MAP3K7CL: variants seen among roughly 807,000 people sequenced by gnomAD.
MAP3K7CL encodes MAP3K7 C-terminal like.
In MAP3K7CL, 16 loss-of-function variants were observed where a neutral mutation model predicts 18.6. The ratio of observed to expected loss-of-function variants is 0.86; its 90% CI spans 0.58 to 1.31. MAP3K7CL has a LOEUF of 1.31. MAP3K7CL is among the 50% of genes most tolerant of loss of function. MAP3K7CL has a pLI of 0.00. For synonymous variants in MAP3K7CL, 65 were observed against 66.8 expected (o/e 0.97, Z 0.13); for missense variants, 163 against 174.4 (o/e 0.93, Z 0.37).
At chr21:29,141,831 A>G (rs1317272742) in intron 2 of MAP3K7CL, among the ~76,000 whole-genome samples, 1 of 152,182 alleles carries the variant, frequency 6.6e-6, no homozygotes, top group African/African-American at 2.4e-5. Context: ...CAAAGTTTTA[A>G]AAAGCTTTTG....
chr21:29,145,394 G>A (rs1320499619), intron 2 of MAP3K7CL, among the ~76,000 whole-genome samples: 1 of 151,994 alleles, frequency 6.6e-6, no homozygotes, highest in African/African-American at 2.4e-5. Flanking sequence ...ACTCCGATCC[G>A]GTATCACTGT....
rs148330299 is a variant in MAP3K7CL at position 29,123,153 on chromosome 21, C to T, written c.371-26036C>T. Among the ~76,000 whole-genome samples, 594 of 149,672 alleles carry T rather than the reference C, an allele frequency of 4.0e-3. 10 individuals carry two copies. The East Asian group carries it at 0.07, about 18-fold the overall frequency. ...TCTTGGCTCACTGCAACCTCTGCCT[C>T]CTGGGTACAAGTGATTCCCCTGCCT... On this transcript the variant is annotated intron_variant, in intron 4 of 6. Coordinates refer to the MAP3K7CL transcript ENST00000286791.
intron 4 of MAP3K7CL, chr21:29,102,761 C>G (rs2086255657): frequency 6.6e-6 from 1 of 152,120 alleles, no homozygotes; most frequent in African/African-American, 2.4e-5. Context: ...ATAATTAGGT[C>G]ATAGAATGCC....
upstream of MAP3K7CL, among the ~76,000 whole-genome samples, chr21:29,085,585 A>G (rs1242542914): frequency 6.8e-6 from 1 of 147,312 alleles, no homozygotes; most frequent in African/African-American, 2.5e-5. Context: ...TTTAAATTCT[A>G]TCAAAAATGA....
exon 3 of MAP3K7CL, chr21:29,091,710 T>A (rs773567099): frequency 1.1e-4 from 78 of 702,372 alleles, no homozygotes; most frequent in Admixed American, 8.0e-5. Flanking sequence ...CTTGAACACC[T>A]GGCTTCAAGC....
At chr21:29,095,360 T>C (rs542016393) in intron 4 of MAP3K7CL, among the ~76,000 whole-genome samples, 18 of 152,238 alleles carry the variant, frequency 1.2e-4, no homozygotes, top group South Asian at 4.1e-4. Context: ...AGGAGCCTTT[T>C]GTGTGGGGCA....
At chr21:29,120,835 GT>G (rs1271358569) in intron 4 of MAP3K7CL, among the ~76,000 whole-genome samples, 1 of 151,812 alleles carries the variant, frequency 6.6e-6, no homozygotes, top group Non-Finnish European at 1.5e-5. Flanking sequence ...GGAGGCCAAG[GT>G]GGGTGGATTG....
At chr21:29,158,971 A>G (rs1601258761) in intron 3 of MAP3K7CL, among the ~76,000 whole-genome samples, 1 of 117,362 alleles carries the variant, frequency 8.5e-6, no homozygotes, top group Admixed American at 1.2e-4. Flanking sequence ...CCCAGGCTGG[A>G]GTACAGTGGC....
At chr21:29,092,477 T>G in exon 4 of MAP3K7CL, 1 of 1,614,250 alleles carries the variant, frequency 6.2e-7, no homozygotes, top group South Asian at 1.1e-5. Context: ...TTGGCCATGT[T>G]GGAGGACAAT....
intron 4 of MAP3K7CL, among the ~76,000 whole-genome samples, chr21:29,160,841 C>T (rs910181038): frequency 1.3e-5 from 2 of 152,234 alleles, no homozygotes; most frequent in African/African-American, 4.8e-5. Flanking sequence ...TTGTCACCAT[C>T]AGATTCCTGG....
At chr21:29,085,050 C>T (rs1372580827), upstream of MAP3K7CL, 1 of 152,176 alleles carries the variant, frequency 6.6e-6, no homozygotes, top group Non-Finnish European at 1.5e-5. Flanking sequence ...TGTCTCTAAG[C>T]CCATATTTTC....
chr21:29,124,145 G>T (rs2086642651), intron 4 of MAP3K7CL, among the ~76,000 whole-genome samples: 1 of 151,960 alleles, frequency 6.6e-6, no homozygotes. Flanking sequence ...ATGAGGTCAG[G>T]AGTTCAAGAC....
chr21:29,115,884 C>T (rs945703669), intron 4 of MAP3K7CL, among the ~76,000 whole-genome samples: 1 of 152,216 alleles, frequency 6.6e-6, no homozygotes, highest in East Asian at 1.9e-4. Context: ...GACACATATG[C>T]AGTCTATGTA....
chr21:29,155,226 T>C (rs947527848), intron 3 of MAP3K7CL, among the ~76,000 whole-genome samples: 3 of 152,158 alleles, frequency 2.0e-5, no homozygotes, highest in African/African-American at 4.8e-5. Context: ...GTAATGTAAA[T>C]TTAAATCAGA....
At chr21:29,148,014 T>C (rs1310514934) in intron 2 of MAP3K7CL, among the ~76,000 whole-genome samples, 2 of 152,016 alleles carry the variant, frequency 1.3e-5, no homozygotes, top group Non-Finnish European at 2.9e-5. Flanking sequence ...TATGTATATG[T>C]ACTGTATATG....
chr21:29,161,843 T>G (rs987918490), intron 4 of MAP3K7CL, among the ~76,000 whole-genome samples: 3 of 152,210 alleles, frequency 2.0e-5, no homozygotes. Context: ...GTATGGGTTT[T>G]GGGGCCAGAC....
At chr21:29,173,759 T>C (rs2123261034) in intron 4 of MAP3K7CL, among the ~76,000 whole-genome samples, 1 of 152,340 alleles carries the variant, frequency 6.6e-6, no homozygotes, top group South Asian at 2.1e-4. Flanking sequence ...TGGAGTGCAG[T>C]GGCACAATCA....
At position 29,175,792 on chromosome 21, in the gene MAP3K7CL, TCTAC is replaced by T. The variant is rs1418714123; in HGVS notation, c.*904_*907del. ...CAGAATTGAAACAATTTCTCCTTGT[TCTAC>T]CTATCACCACATTTTCTCAAATTGA... On this transcript the variant is annotated 3_prime_UTR_variant, in exon 5 of 5. Coordinates refer to ENST00000399928, the MANE Select transcript of MAP3K7CL (RefSeq NM_001286620.2). 2 of 152,262 alleles carry T rather than the reference TCTAC, an allele frequency of 1.3e-5. No individual in the cohort carries two copies. Among genetic ancestry groups the T allele is most frequent in the East Asian group, 3.8e-4 (2 of 5,204 alleles). The allele number at this position is 152,262 out of a possible 1,614,324, so 9.4% of individuals were successfully genotyped here.
chr21:29,130,759 C>T lies in MAP3K7CL; in HGVS notation c.-204C>T, dbSNP rs2146619307. ...CTGGGGTCTGGGGCAGAGCAGGTAG[C>T]AGCGTGCTGCCCTGACAGCTGTCTC... is the stretch of plus-strand genomic sequence containing the variant. On this transcript the variant is annotated 5_prime_UTR_variant, in exon 1 of 5. Coordinates refer to ENST00000399928, the MANE Select transcript of MAP3K7CL (RefSeq NM_001286620.2). 1.0e-6 allele frequency: 1 copy of T among 985,546 alleles called. No individual in the cohort carries two copies. The highest frequency in any genetic ancestry group is 1.7e-5 in the African/African-American group (1 of 57,356). The allele number at this position is 985,546 out of a possible 1,614,324, so 61.1% of individuals were successfully genotyped here. A position where few individuals can be genotyped will look rare whatever the true frequency, so the allele number is the denominator to read the frequency against.
Sources: gnomAD v4.1 joint callset for allele counts (sites outside exome capture counted in the v4.1 genomes callset) on GRCh38, gnomAD v4.1.1 for gene constraint, MANE v1.5 for transcripts, NCBI Gene and HGNC (gene_info 2026-07-23, HGNC 2026-07-21) for gene names.